Variants in TACC2 observed in about 807,000 individuals in gnomAD.
TACC2 encodes transforming acidic coiled-coil-containing protein 2.
In TACC2, 137 loss-of-function variants were observed where a neutral mutation model predicts 227.3. The ratio of observed to expected loss-of-function variants is 0.60; its 90% CI spans 0.52 to 0.69. The LOEUF is 0.69. Ranked by LOEUF, TACC2 falls within the 30% of genes least tolerant of loss-of-function variation. The pLI, the probability that TACC2 is intolerant of heterozygous loss-of-function variation, is 0.00. For missense variants in TACC2, 3,470 were observed against 3,694.4 expected (o/e 0.94, Z 1.57); for synonymous variants, 1,523 against 1,487.5 (o/e 1.02, Z -0.55).
chr10:122,163,936 G>A (rs1323925091), intron 7 of TACC2: 2 of 1,581,534 alleles, frequency 1.3e-6, no homozygotes, highest in East Asian at 2.4e-5. Flanking sequence ...TGGGAGGGTC[G>A]CAGTCCCTGC....
chr10:122,018,511 T>TAA (rs1215415183), intron 1 of TACC2, among the ~76,000 whole-genome samples: 2 of 151,300 alleles, frequency 1.3e-5, no homozygotes, highest in African/African-American at 2.4e-5. Context: ...TTCATCACCC[T>TAA]AAAAAAAAAT....
At chr10:122,223,774 G>C (rs2095568542) in intron 11 of TACC2, among the ~76,000 whole-genome samples, 1 of 152,192 alleles carries the variant, frequency 6.6e-6, no homozygotes, top group South Asian at 2.1e-4. Context: ...AAAGTTGAAA[G>C]ATTAAACTTG....
intron 3 of TACC2, among the ~76,000 whole-genome samples, chr10:122,053,870 A>T (rs1205375830): frequency 1.3e-5 from 2 of 151,964 alleles, no homozygotes; most frequent in Non-Finnish European, 2.9e-5. Context: ...TTGACCTGCA[A>T]CTCTTTCTGT....
chr10:122,163,525 A>C, intron 7 of TACC2: 3 of 971,796 alleles, frequency 3.1e-6, no homozygotes, highest in Non-Finnish European at 3.7e-6. Context: ...GAGCTTTGTG[A>C]AGATGCAGGC....
In TACC2 at chr10:122,180,646, C is replaced by T. The variant is rs529081030; in HGVS notation, c.5835-14394C>T. Among the ~76,000 whole-genome samples the T allele has an allele frequency of 3.3e-5, 5 of 150,890 alleles. No individual in the cohort carries two copies. The highest frequency in any genetic ancestry group is 4.2e-4 in the South Asian group (2 of 4,740). ...AGCCACCGCACCCGGCCTCTTCCCT[C>T]GAGTTCTAATGACTGACTCTTTTTT... On this transcript the variant is annotated intron_variant, in intron 7 of 22. Coordinates refer to ENST00000369005, the MANE Select transcript of TACC2 (RefSeq NM_206862.4). This position sits in a 1 kb window ranked among gnomAD's most constrained non-coding sequence, Gnocchi z 4.5.
At chr10:122,144,718 C>T (rs921397679) in intron 7 of TACC2, among the ~76,000 whole-genome samples, 3 of 152,172 alleles carry the variant, frequency 2.0e-5, no homozygotes, top group Non-Finnish European at 4.4e-5. Flanking sequence ...AGGGTGGGCC[C>T]AGAGCTGGAC....
At position 122,249,613 on chromosome 10, in the gene TACC2, G is replaced by C. The variant is rs934534722; in HGVS notation, c.8730G>C (p.Leu2910=). The change falls in exon 22 of 23, where the codon CTG becomes CTC. Residue 2910 remains leucine (L), a synonymous_variant. Transcript: ENST00000369005. ...AGCAAGCCGCCCACCAGGCCAGCCT[G>C]CGGAAGGAGCAGCTGCGAGTGGACG... ...QQEQAAHQAS[L]RKEQLRVDAL... is the part of the protein sequence containing the mutation. The C allele has an allele frequency of 1.2e-6, 2 of 1,613,840 alleles. No individual in the cohort carries two copies. Among genetic ancestry groups the C allele is most frequent in the African/African-American group, 2.7e-5 (2 of 74,888 alleles).
At position 122,195,118 on chromosome 10, in the gene TACC2, A is replaced by AC; in HGVS notation, c.5919dup (p.Glu1974ArgfsTer22). 8.1e-7 allele frequency: 1 copy of AC among 1,239,320 alleles called. No homozygotes were observed. The highest frequency in any genetic ancestry group is 1.1e-6 in the Non-Finnish European group (1 of 911,792). The allele number at this position is 1,239,320 out of a possible 1,614,324, so 76.8% of individuals were successfully genotyped here. On this transcript the variant is annotated frameshift_variant, in exon 8 of 23. Coordinates refer to ENST00000369005, the MANE Select transcript of TACC2 (RefSeq NM_206862.4). LOFTEE classifies it high-confidence loss of function. ...AAGCTCCGCCAGCTCCACCCCCACC[A>AC]CCCCCCGAAGTCATCCCAGAACCCG...
chr10:121,991,413 C>T (rs1007613488), intron 1 of TACC2, among the ~76,000 whole-genome samples: 8 of 152,128 alleles, frequency 5.3e-5, no homozygotes, highest in African/African-American at 1.7e-4. Context: ...GTTGTGTTTA[C>T]GTGTATTTCA....
intron 7 of TACC2, among the ~76,000 whole-genome samples, chr10:122,161,419 T>G (rs760604461): frequency 3.3e-5 from 5 of 152,266 alleles, no homozygotes; most frequent in Admixed American, 6.5e-5. Context: ...TTCTTATAAA[T>G]AAGAATCCTG....
At chr10:122,010,013 G>A (rs1350689000) in intron 1 of TACC2, among the ~76,000 whole-genome samples, 1 of 152,210 alleles carries the variant, frequency 6.6e-6, no homozygotes, top group African/African-American at 2.4e-5. Context: ...AACTCTCTCT[G>A]AGGTCAGATG....
At chr10:122,164,085 A>G (rs2093000684) in intron 7 of TACC2, 1 of 1,449,240 alleles carries the variant, frequency 6.9e-7, no homozygotes, top group African/African-American at 1.4e-5. Flanking sequence ...TGCCTGTGCA[A>G]CCTGGAGCCC....
intron 3 of TACC2, among the ~76,000 whole-genome samples, chr10:122,079,343 C>A (rs560201339): frequency 6.7e-4 from 102 of 152,314 alleles, no homozygotes; most frequent in African/African-American, 2.4e-3. Context: ...CAGATGTCAG[C>A]CCACTCGGGC....
intron 7 of TACC2, among the ~76,000 whole-genome samples, chr10:122,163,072 C>A (rs748768471): frequency 6.6e-6 from 1 of 152,014 alleles, no homozygotes; most frequent in Non-Finnish European, 1.5e-5. Context: ...TGGAGGCTAG[C>A]CCCGGGCTGG....
chr10:122,237,633 G>A (rs1185823586), intron 17 of TACC2, 95 bp downstream of exon 17: 1 of 1,469,832 alleles, frequency 6.8e-7, no homozygotes, highest in Non-Finnish European at 9.2e-7. Context: ...GACAGACTTT[G>A]TCCTCTGAAC....
intron 2 of TACC2, among the ~76,000 whole-genome samples, chr10:122,048,415 CCCTT>C (rs113720293): frequency 4.6e-5 from 6 of 131,408 alleles, no homozygotes; most frequent in Admixed American, 7.9e-5. Flanking sequence ...CTCCCTCCCT[CCCTT>C]CCTTCCCTCC....
chr10:122,184,619 C>T (rs934216065), intron 7 of TACC2, among the ~76,000 whole-genome samples: 15 of 151,974 alleles, frequency 9.9e-5, no homozygotes, highest in Non-Finnish European at 1.8e-4. Context: ...TGCTGGTACC[C>T]GTGTTTAAAT....
chr10:122,249,669 T>G lies in TACC2; in HGVS notation c.8781+5T>G. On this transcript the variant is annotated splice_donor_5th_base_variant and intron_variant, in intron 22 of 22. Coordinates refer to ENST00000369005, the MANE Select transcript of TACC2 (RefSeq NM_206862.4). ...GAAAGGACGCTGGAGCAGAAGGTAA[T>G]AGGGGAGGGGTGTGGCCTCCAGGTG... 1 of 1,611,274 alleles carries G rather than the reference T, an allele frequency of 6.2e-7. No individual in the cohort carries two copies. The highest frequency in any genetic ancestry group is 1.1e-5 in the South Asian group (1 of 90,820).
chr10:122,048,490 C>A (rs1448485993), intron 2 of TACC2, among the ~76,000 whole-genome samples: 2 of 141,286 alleles, frequency 1.4e-5, no homozygotes, highest in Non-Finnish European at 3.1e-5. Flanking sequence ...CCTTCCCTCT[C>A]TCCCTCTTCC....
Sources: gnomAD v4.1 joint callset for allele counts (sites outside exome capture counted in the v4.1 genomes callset) on GRCh38, gnomAD v4.1.1 for gene constraint, Gnocchi (gnomAD v3.1) non-coding constraint, MANE v1.5 for transcripts, NCBI Gene and HGNC (gene_info 2026-07-23, HGNC 2026-07-21) for gene names.